ILRUN: variants seen among roughly 807,000 people sequenced by gnomAD.
ILRUN encodes the protein inflammation and lipid regulator with UBA-like and NBR1-like domains.
Under a neutral mutation model 33.8 loss-of-function variants are expected in ILRUN, and 3 were observed. The ratio of observed to expected loss-of-function variants is 0.09; its 90% CI spans 0.04 to 0.23. The LOEUF is 0.23. ILRUN is among the 10% of genes least tolerant of loss of function. The pLI is 1.00. For missense variants in ILRUN, 210 were observed against 375.1 expected (o/e 0.56, Z 3.64); for synonymous variants, 124 against 138.9 (o/e 0.89, Z 0.75).
intron 3 of ILRUN, among the ~76,000 whole-genome samples, chr6:34,618,314 T>G (rs1439308055): frequency 6.6e-6 from 1 of 152,214 alleles, no homozygotes; most frequent in East Asian, 1.9e-4. Context: ...CCTCTCTTTG[T>G]GTGGCTACTG....
chr6:34,616,887 T>A (rs1450681446), intron 3 of ILRUN: 1 of 650,806 alleles, frequency 1.5e-6, no homozygotes, highest in Non-Finnish European at 2.9e-6. Flanking sequence ...TTTGTGAAGC[T>A]CAACAAGGCT....
rs905071707 is a variant in ILRUN at position 34,625,994 on chromosome 6, G to A, written c.512-19090C>T. On this transcript the variant is annotated intron_variant, in intron 3 of 4. Transcript: ENST00000374023. ...GCCTCCCGAGTAGCTGGGACTACAGGCACCCGCCACCACGCCCGGCTAATT... is the reference window on the plus strand; with the variant it reads ...GCCTCCCGAGTAGCTGGGACTACAGACACCCGCCACCACGCCCGGCTAATT... Among the ~76,000 whole-genome samples, 53 of 151,972 alleles carry A rather than the reference G, an allele frequency of 3.5e-4. No homozygotes were observed. The East Asian group carries it at 5.8e-3, about 17-fold the overall frequency.
chr6:34,696,202 G>T, intron 1 of ILRUN: 1 of 491,196 alleles, frequency 2.0e-6, no homozygotes, highest in Non-Finnish European at 3.6e-6. Flanking sequence ...AACCTTAGGA[G>T]CTCGCCCCCA....
intron 1 of ILRUN, among the ~76,000 whole-genome samples, chr6:34,688,801 A>C (rs1201943139): frequency 6.6e-6 from 1 of 152,002 alleles, no homozygotes; most frequent in Non-Finnish European, 1.5e-5. Flanking sequence ...CGACAACAAC[A>C]ACAACAAGAT....
At chr6:34,681,012 G>A (rs1763348172) in intron 1 of ILRUN, among the ~76,000 whole-genome samples, 1 of 151,744 alleles carries the variant, frequency 6.6e-6, no homozygotes, top group East Asian at 1.9e-4. Context: ...CCCCCAGCCA[G>A]TGGTTTCCAC....
rs929625245 is a variant in ILRUN, at chr6:34,603,417, G to A, written c.861+3138C>T. 5.3e-4 allele frequency among the ~76,000 whole-genome samples: 80 copies of A among 152,122 alleles called. 2 individuals carry two copies. The highest frequency in any genetic ancestry group is 2.1e-4 in the South Asian group (1 of 4,824). ...TGGGAGGCCGAGGCGGGCGGATCAC[G>A]GGGTCAGGAGATCGAGACCATCCCG... On this transcript the variant is annotated intron_variant, in intron 4 of 4. Coordinates refer to ENST00000374023, the MANE Select transcript of ILRUN (RefSeq NM_024294.4).
chr6:34,632,871 T>G (rs1353405398), intron 3 of ILRUN, among the ~76,000 whole-genome samples: 1 of 152,084 alleles, frequency 6.6e-6, no homozygotes, highest in Non-Finnish European at 1.5e-5. Context: ...ACCAATAAGT[T>G]TAGCAATGTA....
intron 3 of ILRUN, among the ~76,000 whole-genome samples, chr6:34,640,181 G>T (rs17644393): frequency 0.027 from 4,142 of 152,170 alleles, 87 homozygotes; most frequent in South Asian, 0.053. Flanking sequence ...AGATAAACAG[G>T]TGAAGCCACG....
chr6:34,678,091 G>T (rs967491785), intron 1 of ILRUN, among the ~76,000 whole-genome samples: 3 of 152,106 alleles, frequency 2.0e-5, no homozygotes, highest in East Asian at 1.9e-4. Context: ...CACCCAGGCT[G>T]AAGTGCAGTG....
intron 4 of ILRUN, among the ~76,000 whole-genome samples, chr6:34,596,437 C>T (rs940986773): frequency 6.6e-6 from 1 of 152,122 alleles, no homozygotes; most frequent in African/African-American, 2.4e-5. Context: ...CTGCCTCAGC[C>T]TCCCAAGTAG....
At chr6:34,670,899 C>G (rs1183525052) in intron 1 of ILRUN, among the ~76,000 whole-genome samples, 1 of 151,176 alleles carries the variant, frequency 6.6e-6, no homozygotes, top group East Asian at 1.9e-4. Context: ...TACACACCCC[C>G]TAAAACTAGT....
intron 3 of ILRUN, among the ~76,000 whole-genome samples, chr6:34,635,976 G>A (rs577650410): frequency 6.6e-6 from 1 of 152,238 alleles, no homozygotes; most frequent in South Asian, 2.1e-4. Flanking sequence ...GAGAAATCCA[G>A]ACTGGACGTA....
At chr6:34,683,057 CA>C (rs549443199) in intron 1 of ILRUN, among the ~76,000 whole-genome samples, 7 of 142,814 alleles carry the variant, frequency 4.9e-5, no homozygotes, top group Admixed American at 2.8e-4. Context: ...GTTACCCCAA[CA>C]AAAAAAAAAC....
chr6:34,656,894 G>A (rs1762782220), intron 1 of ILRUN, among the ~76,000 whole-genome samples: 2 of 152,168 alleles, frequency 1.3e-5, no homozygotes, highest in Admixed American at 1.3e-4. Context: ...AAAGAGAGCT[G>A]GGCTGGGGCC....
At position 34,683,520 on chromosome 6, in the gene ILRUN, A is replaced by ATATGTGTG. The variant is rs1562033433; in HGVS notation, c.158+12925_158+12926insCACACATA. Among the ~76,000 whole-genome samples the ATATGTGTG allele has an allele frequency of 4.1e-4, 51 of 125,140 alleles. 2 individuals are homozygous for ATATGTGTG. Among genetic ancestry groups the ATATGTGTG allele is most frequent in the African/African-American group, 1.6e-3 (49 of 31,474 alleles). 82.1% of individuals were successfully genotyped at this position (125,140 alleles called of 152,430 possible). ...TATACATATATATATATATACATAT[A>ATATGTGTG]TATATATACATATTGCACAGAATAT... On this transcript the variant is annotated intron_variant, in intron 1 of 4. Transcript: ENST00000374023.
At chr6:34,673,827 C>CCA (rs537172828) in intron 1 of ILRUN, among the ~76,000 whole-genome samples, 20 of 107,740 alleles carry the variant, frequency 1.9e-4, no homozygotes, top group Non-Finnish European at 3.2e-4. Flanking sequence ...ACAGTAACAA[C>CCA]CACATACACA....
At chr6:34,670,114 T>C (rs939656208) in intron 1 of ILRUN, among the ~76,000 whole-genome samples, 3 of 152,116 alleles carry the variant, frequency 2.0e-5, no homozygotes, top group African/African-American at 4.8e-5. Context: ...GGTTTCACCA[T>C]GTTGGCCAGG....
intron 3 of ILRUN, chr6:34,616,939 G>A (rs1303599470): frequency 1.7e-6 from 1 of 577,980 alleles, no homozygotes; most frequent in South Asian, 1.4e-5. Flanking sequence ...ATATTGCATA[G>A]GAGTACCCAA....
intron 3 of ILRUN, among the ~76,000 whole-genome samples, chr6:34,626,198 G>T (rs1303057282): frequency 3.9e-5 from 6 of 152,044 alleles, no homozygotes; most frequent in African/African-American, 1.4e-4. Context: ...CCAAGACAGG[G>T]TCTCTCTTTG....
Sources: allele counts gnomAD v4.1 joint callset (sites outside exome capture counted in the v4.1 genomes callset), GRCh38; gene constraint gnomAD v4.1.1; transcripts MANE v1.5; gene names NCBI Gene and HGNC (gene_info 2026-07-23, HGNC 2026-07-21).